RTCB: variants seen among roughly 807,000 people sequenced by gnomAD.
RTCB encodes the protein RNA 2',3'-cyclic phosphate and 5'-OH ligase.
A neutral mutation model predicts 58.2 loss-of-function variants in RTCB; 32 were observed. The ratio of observed to expected loss-of-function variants is 0.55; its 90% CI spans 0.41 to 0.74. RTCB has a LOEUF of 0.74. Ranked by LOEUF, RTCB falls within the 30% of genes least tolerant of loss-of-function variation. The pLI is 0.00. For missense variants in RTCB, 523 were observed against 639.0 expected (o/e 0.82, Z 1.96); for synonymous variants, 247 against 218.6 (o/e 1.13, Z -1.15).
chr22:32,400,476 A>G (rs1180528020), intron 5 of RTCB, among the ~76,000 whole-genome samples: 2 of 152,134 alleles, frequency 1.3e-5, no homozygotes, highest in African/African-American at 4.8e-5. Flanking sequence ...TCATTTTGTT[A>G]TTATTTTTTA....
At chr22:32,401,625 A>T in intron 5 of RTCB, 122 bp downstream of exon 5, 1 of 1,120,532 alleles carries the variant, frequency 8.9e-7, no homozygotes, top group Non-Finnish European at 1.3e-6. Flanking sequence ...AACAGTTCTT[A>T]CTACTTCCTG....
intron 11 of RTCB, among the ~76,000 whole-genome samples, chr22:32,389,341 A>T (rs1346822625): frequency 2.6e-5 from 4 of 152,196 alleles, no homozygotes; most frequent in Non-Finnish European, 5.9e-5. Flanking sequence ...AATATTCATA[A>T]ACATGCTAAC....
chr22:32,394,909 G>T, intron 9 of RTCB, 117 bp downstream of exon 9: 1 of 848,102 alleles, frequency 1.2e-6, no homozygotes, highest in Non-Finnish European at 1.9e-6. Flanking sequence ...CTGTTCTCAT[G>T]AGTGACAGAG....
chr22:32,392,502 T>C (rs1933171022), intron 10 of RTCB, 143 bp from the exon 11 acceptor site: 4 of 1,063,090 alleles, frequency 3.8e-6, no homozygotes, highest in Non-Finnish European at 5.6e-6. Context: ...AACCTCATCA[T>C]ATCCTTTTAG....
intron 2 of RTCB, 124 bp downstream of exon 2, chr22:32,408,631 T>C (rs1465333347): frequency 1.4e-6 from 1 of 729,518 alleles, no homozygotes; most frequent in African/African-American, 1.8e-5. Flanking sequence ...GCTTTTGGTC[T>C]TACTTTTAAG....
chr22:32,398,058 C>G lies in RTCB; in HGVS notation c.697G>C (p.Val233Leu), dbSNP rs369895519. 4.1e-5 allele frequency: 66 copies of G among 1,613,972 alleles called. No individual in the cohort carries two copies. The highest frequency in any genetic ancestry group is 5.1e-5 in the Non-Finnish European group (60 of 1,180,014). Reference sequence around the variant, plus strand: ...TACTCATTGAAAATCTCATCCACAACCTGGATTTCTGCATAATGGTTGCCT... The same window carrying G: ...TACTCATTGAAAATCTCATCCACAAGCTGGATTTCTGCATAATGGTTGCCT... ...GAGNHYAEIQ[V>L]VDEIFNEYAA... is the part of the protein sequence containing the mutation. Residue 233 changes from valine to leucine, a missense_variant, in exon 7 of 12, where the codon GTT becomes CTT. This residue lies in a region of RTCB where 141 missense variants were observed against 216.7 expected (regional missense o/e 0.65). Transcript: ENST00000216038.
chr22:32,406,392 G>A (rs1014502270), intron 4 of RTCB, among the ~76,000 whole-genome samples: 16 of 151,854 alleles, frequency 1.1e-4, no homozygotes, highest in African/African-American at 3.1e-4. Flanking sequence ...GCACGAACTC[G>A]GCTCACTGCA....
chr22:32,394,173 G>A lies in RTCB; in HGVS notation c.1180-171C>T, dbSNP rs191819184. Among the ~76,000 whole-genome samples the A allele has an allele frequency of 5.1e-3, 767 of 151,228 alleles. 3 individuals carry two copies. Among genetic ancestry groups the A allele is most frequent in the African/African-American group, 0.017 (708 of 41,134 alleles). ...GTCGCCCAGGCTGGAGTGCAGTGGC[G>A]GGATCTCGGCTCACTGCAAGCTCCG... On this transcript the variant is annotated intron_variant, in intron 9 of 11. Transcript: ENST00000216038.
In RTCB at chr22:32,388,980, G is replaced by A. The variant is rs117909963; in HGVS notation, c.1411-881C>T. Reference sequence around the variant, plus strand: ...ACTTTCATCTCCAACTTTCTGAATGGTGACTGCTGTTTTCCCCAAATCAGG... The same window carrying A: ...ACTTTCATCTCCAACTTTCTGAATGATGACTGCTGTTTTCCCCAAATCAGG... On this transcript the variant is annotated intron_variant, in intron 11 of 11. Transcript: ENST00000216038. 5.5e-3 allele frequency among the ~76,000 whole-genome samples: 837 copies of A among 152,202 alleles called. 4 individuals carry two copies. The highest frequency in any genetic ancestry group is 0.012 in the Admixed American group (188 of 15,284).
At chr22:32,409,372 T>C (rs1933481281) in intron 1 of RTCB, among the ~76,000 whole-genome samples, 1 of 152,130 alleles carries the variant, frequency 6.6e-6, no homozygotes, top group Admixed American at 6.5e-5. Context: ...AAATTTAACA[T>C]GCAGCTACGT....
chr22:32,407,055 CTAT>C (rs148579597), intron 3 of RTCB, among the ~76,000 whole-genome samples: 5,253 of 152,198 alleles, frequency 0.035, 283 homozygotes, highest in African/African-American at 0.12. Context: ...GTTTAATGTA[CTAT>C]TACATTTTAA....
chr22:32,408,321 A>AT (rs1434294944), intron 2 of RTCB, 79 bp from the exon 3 acceptor site: 6 of 1,227,510 alleles, frequency 4.9e-6, no homozygotes, highest in Non-Finnish European at 7.1e-6. Context: ...TTTAGACTGT[A>AT]TAACGTGAAG....
intron 4 of RTCB, among the ~76,000 whole-genome samples, chr22:32,404,524 G>C (rs550470738): frequency 6.6e-6 from 1 of 152,020 alleles, no homozygotes; most frequent in Non-Finnish European, 1.5e-5. Context: ...CTCTGGATTC[G>C]GCCTTCCCAG....
intron 5 of RTCB, 74 bp downstream of exon 5, chr22:32,401,673 G>A: frequency 1.3e-6 from 2 of 1,491,294 alleles, no homozygotes; most frequent in Non-Finnish European, 1.8e-6. Context: ...CAAGTGTACT[G>A]CACTGGAAAG....
chr22:32,388,349 T>C (rs1420940892), intron 11 of RTCB, among the ~76,000 whole-genome samples: 4 of 152,146 alleles, frequency 2.6e-5, no homozygotes, highest in Non-Finnish European at 5.9e-5. Flanking sequence ...ATTACTTGTA[T>C]AACTAGGAAA....
chr22:32,397,879 C>T, intron 7 of RTCB, 62 bp downstream of exon 7: 1 of 1,517,646 alleles, frequency 6.6e-7, no homozygotes, highest in Non-Finnish European at 8.9e-7. Flanking sequence ...AGAGTTTTCG[C>T]TCTTAAATTT....
At chr22:32,399,932 A>G in intron 5 of RTCB, 173 bp from the exon 6 acceptor site, 1 of 489,094 alleles carries the variant, frequency 2.0e-6, no homozygotes, top group Non-Finnish European at 3.6e-6. Context: ...TGAGGAATGC[A>G]GTCATATAAA....
At chr22:32,405,890 ACAG>A (rs956210379) in intron 4 of RTCB, among the ~76,000 whole-genome samples, 13 of 152,160 alleles carry the variant, frequency 8.5e-5, no homozygotes, top group Admixed American at 5.2e-4. Flanking sequence ...CCCCATAACC[ACAG>A]CAGAAGGCGT....
At chr22:32,402,931 G>C (rs537054079) in intron 4 of RTCB, among the ~76,000 whole-genome samples, 21 of 152,220 alleles carry the variant, frequency 1.4e-4, no homozygotes, top group Middle Eastern at 3.4e-3. Context: ...TATGCGTAGG[G>C]ATGGGGTTTC....
Sources: gnomAD v4.1 joint callset for allele counts (sites outside exome capture counted in the v4.1 genomes callset) on GRCh38, gnomAD v4.1.1 for gene constraint, gnomAD v4.1.1 regional missense constraint, MANE v1.5 for transcripts, NCBI Gene and HGNC (gene_info 2026-07-23, HGNC 2026-07-21) for gene names.